The following OR14A2 variants were observed in gnomAD, a reference collection of about 807,000 sequenced individuals.
The protein encoded by OR14A2 is olfactory receptor 14A2.
For missense variants in OR14A2, 237 were observed against 152.9 expected, an observed-to-expected ratio of 1.55 and a Z score of -2.90; for synonymous variants, 114 against 58.6, an observed-to-expected ratio of 1.95 and a Z score of -4.32.
chr1:247,739,796 G>A, the OR14A2 span, among the ~76,000 whole-genome samples: 5 of 151,802 alleles, frequency 3.3e-5, no homozygotes, highest in South Asian at 2.1e-4. Flanking sequence ...GTGCAGGGGC[G>A]TGATCTTGGC....
upstream of OR14A2, among the ~76,000 whole-genome samples, chr1:247,726,830 A>T (rs1319744616): frequency 8.5e-6 from 1 of 117,938 alleles, no homozygotes. Context: ...TTTGTCAAAG[A>T]TCAGATAGTT....
At chr1:247,730,433 A>T in the OR14A2 span, among the ~76,000 whole-genome samples, 1 of 151,936 alleles carries the variant, frequency 6.6e-6, no homozygotes, top group Non-Finnish European at 1.5e-5. Flanking sequence ...CTGCCAGATA[A>T]TTTTTGTTTT....
At chr1:247,729,708 G>C in the OR14A2 span, among the ~76,000 whole-genome samples, 3 of 151,838 alleles carry the variant, frequency 2.0e-5, no homozygotes, top group Non-Finnish European at 2.9e-5. Context: ...AAATCAATAT[G>C]CTTCTCCAAA....
chr1:247,723,249 T>G, exon 1 of OR14A2: 1 of 715,396 alleles, frequency 1.4e-6, no homozygotes, highest in Non-Finnish European at 2.6e-6. Context: ...CAATAACAGA[T>G]GGTGAATTTG....
the OR14A2 span, among the ~76,000 whole-genome samples, chr1:247,734,843 C>T: frequency 6.6e-6 from 1 of 152,146 alleles, no homozygotes; most frequent in African/African-American, 2.4e-5. Context: ...CAGAAACAAG[C>T]TCTAGGCAGC....
chr1:247,729,972 A>C, the OR14A2 span, among the ~76,000 whole-genome samples: 1 of 152,096 alleles, frequency 6.6e-6, no homozygotes, highest in Non-Finnish European at 1.5e-5. Flanking sequence ...GTTTATGGAA[A>C]CTGCCTTCAT....
At chr1:247,740,511 A>G in the OR14A2 span, among the ~76,000 whole-genome samples, 1 of 152,084 alleles carries the variant, frequency 6.6e-6, no homozygotes, top group Non-Finnish European at 1.5e-5. Context: ...GGAGTAGAAT[A>G]TTTTTCTCTT....
At chr1:247,734,761 T>C in the OR14A2 span, among the ~76,000 whole-genome samples, 1 of 152,200 alleles carries the variant, frequency 6.6e-6, no homozygotes, top group Non-Finnish European at 1.5e-5. Context: ...CATAAAATGA[T>C]GAAGAAGAAG....
chr1:247,735,861 T>C, the OR14A2 span, among the ~76,000 whole-genome samples: 1 of 152,148 alleles, frequency 6.6e-6, no homozygotes, highest in Non-Finnish European at 1.5e-5. Flanking sequence ...CCCTAAGAAT[T>C]GAAAACTAGA....
chr1:247,746,559 C>G, the OR14A2 span: 260 of 152,296 alleles, frequency 1.7e-3, 1 homozygote, highest in Middle Eastern at 0.01. Context: ...AGCATAGAAG[C>G]CTATGGAATG....
At chr1:247,726,894 C>T (rs1308336431), upstream of OR14A2, among the ~76,000 whole-genome samples, 2 of 137,644 alleles carry the variant, frequency 1.5e-5, no homozygotes, top group Admixed American at 1.4e-4. Context: ...TGATCTATAT[C>T]TCTGTTTTGG....
chr1:247,734,935 A>C, the OR14A2 span, among the ~76,000 whole-genome samples: 1 of 152,214 alleles, frequency 6.6e-6, no homozygotes, highest in African/African-American at 2.4e-5. Context: ...AATTACGTGA[A>C]TATAATAAGA....
At chr1:247,744,525 T>C in the OR14A2 span, among the ~76,000 whole-genome samples, 23 of 152,194 alleles carry the variant, frequency 1.5e-4, no homozygotes, top group Admixed American at 1.3e-3. This position sits in a 1 kb window ranked among gnomAD's most constrained non-coding sequence, Gnocchi z 4.3. Flanking sequence ...GGTTTCTTAA[T>C]TTCTTCTATT....
At chr1:247,725,895 T>G (rs1660339560), upstream of OR14A2, among the ~76,000 whole-genome samples, 2 of 106,132 alleles carry the variant, frequency 1.9e-5, no homozygotes, top group African/African-American at 8.8e-5. Context: ...TATTCCATGG[T>G]GTATATGTGC....
At chr1:247,742,620 G>A in the OR14A2 span, among the ~76,000 whole-genome samples, 1 of 152,116 alleles carries the variant, frequency 6.6e-6, no homozygotes, top group South Asian at 2.1e-4. Context: ...AGGAAAGTGG[G>A]CTTCTATTCT....
the OR14A2 span, among the ~76,000 whole-genome samples, chr1:247,737,999 T>C: frequency 6.6e-6 from 1 of 152,202 alleles, no homozygotes; most frequent in African/African-American, 2.4e-5. Flanking sequence ...TAACGAGTAC[T>C]TTTTAATTTT....
At chr1:247,730,375 A>T in the OR14A2 span, among the ~76,000 whole-genome samples, 1 of 152,078 alleles carries the variant, frequency 6.6e-6, no homozygotes, top group African/African-American at 2.4e-5. Flanking sequence ...TCTGCTAGCT[A>T]TAATGAAAAT....
the OR14A2 span, among the ~76,000 whole-genome samples, chr1:247,742,280 G>GCA: frequency 6.5e-5 from 9 of 137,758 alleles, no homozygotes; most frequent in African/African-American, 1.9e-4. Flanking sequence ...ACACACACAC[G>GCA]CACACACACA....
exon 1 of OR14A2, chr1:247,723,972 T>G: frequency 1.4e-6 from 1 of 716,222 alleles, no homozygotes; most frequent in Non-Finnish European, 2.6e-6. Context: ...GCACACCATA[T>G]AAAATCCGCA....
Sources: allele counts gnomAD v4.1 joint callset (sites outside exome capture counted in the v4.1 genomes callset), GRCh38; gene constraint gnomAD v4.1.1; non-coding constraint Gnocchi (gnomAD v3.1); transcripts MANE v1.5; gene names NCBI Gene and HGNC (gene_info 2026-07-23, HGNC 2026-07-21).